Variants in ICA1 observed in about 807,000 individuals in gnomAD.
ICA1 encodes the protein islet cell autoantigen 1.
Under a neutral mutation model 71.0 loss-of-function variants are expected in ICA1, and 40 were observed. The ratio of observed to expected loss-of-function variants is 0.56; its 90% CI spans 0.44 to 0.73. The LOEUF (loss-of-function observed/expected upper bound fraction) is 0.73. Among genes scored for constraint, ICA1 ranks in the 30% least tolerant of loss-of-function variants. The pLI, the probability that ICA1 is intolerant of heterozygous loss-of-function variation, is 0.00. For synonymous variants in ICA1, 207 were observed against 209.5 expected (o/e 0.99, Z 0.10); for missense variants, 578 against 576.5 (o/e 1.00, Z -0.03).
intron 6 of ICA1, among the ~76,000 whole-genome samples, chr7:8,170,165 G>A (rs1315322743): frequency 6.6e-6 from 1 of 151,918 alleles, no homozygotes; most frequent in Non-Finnish European, 1.5e-5. Flanking sequence ...GCTCTTTTGT[G>A]TAGGTCTATT....
chr7:8,202,182 C>A (rs1402958733), intron 6 of ICA1, among the ~76,000 whole-genome samples: 2 of 152,148 alleles, frequency 1.3e-5, no homozygotes, highest in Non-Finnish European at 2.9e-5. Context: ...TGTAGAAGAC[C>A]CCATCATGCT....
chr7:8,202,367 A>G (rs537651402), intron 6 of ICA1, among the ~76,000 whole-genome samples: 6 of 152,348 alleles, frequency 3.9e-5, no homozygotes, highest in African/African-American at 1.4e-4. Flanking sequence ...AGGAGATCAT[A>G]GTGTCTTCCT....
At chr7:8,203,585 A>G (rs571082897) in intron 6 of ICA1, among the ~76,000 whole-genome samples, 1 of 152,292 alleles carries the variant, frequency 6.6e-6, no homozygotes, top group East Asian at 1.9e-4. Context: ...CAGAATCAAA[A>G]TCCTTAGGTA....
At chr7:8,260,413 G>A (rs972839967) in intron 1 of ICA1, among the ~76,000 whole-genome samples, 1 of 152,128 alleles carries the variant, frequency 6.6e-6, no homozygotes, top group Non-Finnish European at 1.5e-5. Flanking sequence ...AAACCACCCA[G>A]GCAATTACCA....
intron 6 of ICA1, among the ~76,000 whole-genome samples, chr7:8,200,734 G>C: frequency 6.6e-6 from 1 of 152,224 alleles, no homozygotes; most frequent in East Asian, 1.9e-4. Flanking sequence ...GTTTCATGAA[G>C]ATTTAAGCCA....
chr7:8,158,735 C>T (rs1287553067), intron 6 of ICA1, 83 bp from the exon 7 acceptor site: 10 of 1,358,526 alleles, frequency 7.4e-6, no homozygotes, highest in African/African-American at 5.9e-5. Context: ...CAACAGCAGG[C>T]CTTTTCTCTT....
At chr7:8,177,668 G>T (rs1358677622) in intron 6 of ICA1, among the ~76,000 whole-genome samples, 1 of 152,090 alleles carries the variant, frequency 6.6e-6, no homozygotes, top group Non-Finnish European at 1.5e-5. Context: ...GTATTTTATA[G>T]TACAGTATAG....
chr7:8,117,582 G>A (rs1785191641), intron 13 of ICA1, among the ~76,000 whole-genome samples: 1 of 152,232 alleles, frequency 6.6e-6, no homozygotes, highest in African/African-American at 2.4e-5. Context: ...AGCACAGGTA[G>A]ATGTTTGCTG....
At chr7:8,215,684 C>T (rs909240595) in intron 6 of ICA1, among the ~76,000 whole-genome samples, 1 of 152,200 alleles carries the variant, frequency 6.6e-6, no homozygotes, top group Non-Finnish European at 1.5e-5. Flanking sequence ...AGATCACATC[C>T]ATGAGGTATG....
chr7:8,164,733 T>C (rs7784151), intron 6 of ICA1, among the ~76,000 whole-genome samples: 88,295 of 152,132 alleles, frequency 0.58, 25,778 homozygotes, highest in Middle Eastern at 0.68. Context: ...TGGCCTTTAA[T>C]AAGGTGCCAC....
chr7:8,199,323 A>G (rs188814914), intron 6 of ICA1, among the ~76,000 whole-genome samples: 2 of 152,330 alleles, frequency 1.3e-5, no homozygotes, highest in Non-Finnish European at 2.9e-5. Context: ...CACTACAGCT[A>G]TGATTTGGAA....
At chr7:8,253,652 T>C (rs547954156) in intron 1 of ICA1, among the ~76,000 whole-genome samples, 2 of 152,224 alleles carry the variant, frequency 1.3e-5, no homozygotes, top group Non-Finnish European at 2.9e-5. Flanking sequence ...TTTTTGCTTA[T>C]AATTAAATAT....
chr7:8,228,243 CTCTTA>C (rs1799220306), intron 4 of ICA1, among the ~76,000 whole-genome samples: 1 of 152,178 alleles, frequency 6.6e-6, no homozygotes, highest in Non-Finnish European at 1.5e-5. Flanking sequence ...TGCCTTCTGT[CTCTTA>C]TCTTAAAAGG....
intron 12 of ICA1, among the ~76,000 whole-genome samples, chr7:8,136,147 T>TG (rs1419360483): frequency 6.6e-6 from 1 of 152,192 alleles, no homozygotes; most frequent in East Asian, 1.9e-4. Flanking sequence ...CGACACTGAA[T>TG]GGGGGTGATT....
intron 5 of ICA1, among the ~76,000 whole-genome samples, chr7:8,220,855 C>T (rs1449465475): frequency 1.3e-5 from 2 of 152,078 alleles, no homozygotes; most frequent in African/African-American, 4.8e-5. Flanking sequence ...ATGAGAACAG[C>T]ACCTCTCTGA....
chr7:8,113,611 A>G lies in ICA1; in HGVS notation c.*312T>C. ...AACCTACCATCAAAGTAGGCTTCTGATTTCAACTTGGATCTCACGGTAGCC... is the reference window on the plus strand; with the variant it reads ...AACCTACCATCAAAGTAGGCTTCTGGTTTCAACTTGGATCTCACGGTAGCC... On this transcript the variant is annotated 3_prime_UTR_variant, in exon 14 of 14. Transcript: ENST00000402384. The surrounding 1 kb of genome is among the most constrained non-coding windows in gnomAD (Gnocchi z 4.2). The G allele has an allele frequency of 4.5e-6, 1 of 219,928 alleles. No individual in the cohort carries two copies. The highest frequency in any genetic ancestry group is 9.2e-6 in the Non-Finnish European group (1 of 108,582). The allele number at this position is 219,928 out of a possible 1,614,324, so 13.6% of individuals were successfully genotyped here.
At chr7:8,171,149 G>A (rs934378862) in intron 6 of ICA1, among the ~76,000 whole-genome samples, 1 of 151,760 alleles carries the variant, frequency 6.6e-6, no homozygotes, top group Non-Finnish European at 1.5e-5. Flanking sequence ...GGGTAACTCT[G>A]CCCTCATAAA....
chr7:8,139,603 C>T (rs1287086067), intron 10 of ICA1, among the ~76,000 whole-genome samples: 6 of 152,152 alleles, frequency 3.9e-5, no homozygotes, highest in Non-Finnish European at 8.8e-5. Flanking sequence ...AGATATATAT[C>T]ATTATACATT....
chr7:8,231,709 A>C (rs1204668371), intron 3 of ICA1, among the ~76,000 whole-genome samples: 1 of 152,132 alleles, frequency 6.6e-6, no homozygotes, highest in East Asian at 1.9e-4. Flanking sequence ...TTAACATTAC[A>C]AAGTTCTTCC....
Sources: gnomAD v4.1 joint callset for allele counts (sites outside exome capture counted in the v4.1 genomes callset) on GRCh38, gnomAD v4.1.1 for gene constraint, Gnocchi (gnomAD v3.1) non-coding constraint, MANE v1.5 for transcripts, NCBI Gene and HGNC (gene_info 2026-07-23, HGNC 2026-07-21) for gene names.